Variants in BEND7 observed in about 807,000 individuals in gnomAD.
The protein encoded by BEND7 is BEN domain containing 7.
BEND7 carries 28 observed loss-of-function variants against 50.9 expected under a neutral mutation model. That is an observed-to-expected ratio of 0.55 (90% CI 0.41 to 0.75). BEND7 has a LOEUF of 0.75. BEND7 is among the 30% of genes least tolerant of loss of function. The probability of loss-of-function intolerance (pLI) is 0.00; values close to 1 mark genes in which losing one functional copy is unlikely to be tolerated. For synonymous variants in BEND7, 170 were observed against 183.9 expected (o/e 0.92, Z 0.61); for missense variants, 477 against 491.3 (o/e 0.97, Z 0.28).
At chr10:13,438,781 A>G (rs914971663), downstream of BEND7, 1 of 185,538 alleles carries the variant, frequency 5.4e-6, no homozygotes, top group African/African-American at 2.4e-5. Flanking sequence ...GATCTAAGAC[A>G]ATGGGATACA....
chr10:13,459,061 G>T (rs1172200221), intron 6 of BEND7, among the ~76,000 whole-genome samples: 1 of 152,200 alleles, frequency 6.6e-6, no homozygotes, highest in Non-Finnish European at 1.5e-5. Context: ...CCACATAAAT[G>T]ACTTACGTTT....
At chr10:13,473,278 C>T (rs927464499) in intron 6 of BEND7, among the ~76,000 whole-genome samples, 4 of 150,546 alleles carry the variant, frequency 2.7e-5, no homozygotes, top group African/African-American at 4.9e-5. Context: ...ATATCGTCAT[C>T]GCTGTGAGAC....
At chr10:13,451,925 T>G (rs191930764) in intron 7 of BEND7, among the ~76,000 whole-genome samples, 96 of 152,254 alleles carry the variant, frequency 6.3e-4, no homozygotes, top group Admixed American at 2.4e-3. Context: ...ACTAGGAAAT[T>G]GGCCCCCACT....
chr10:13,451,341 A>G (rs927753290), intron 7 of BEND7, among the ~76,000 whole-genome samples: 10 of 151,204 alleles, frequency 6.6e-5, no homozygotes, highest in Non-Finnish European at 1.5e-5. Flanking sequence ...GGTGCGTGCC[A>G]TCTTGCTTGG....
intron 8 of BEND7, chr10:13,446,215 G>A (rs1564495047): frequency 1.3e-5 from 2 of 152,214 alleles, no homozygotes; most frequent in Admixed American, 6.5e-5. Context: ...CTCAGTGGCA[G>A]AGAAAGCAAT....
rs1246154225 is a variant in BEND7, at chr10:13,507,086, C to T, written c.146-7006G>A. On this transcript the variant is annotated intron_variant, in intron 2 of 8. Transcript: ENST00000466271. ...CTGGCCCCTCTGGACTGAGTAAGCC[C>T]CTGAGGGTCATGGATAATTTAGGGG... 1.3e-5 allele frequency among the ~76,000 whole-genome samples: 2 copies of T among 152,052 alleles called. 1 individual carries two copies. The highest frequency in any genetic ancestry group is 4.8e-5 in the African/African-American group (2 of 41,390).
intron 2 of BEND7, among the ~76,000 whole-genome samples, chr10:13,514,194 T>A (rs1056826398): frequency 1.3e-5 from 2 of 152,178 alleles, no homozygotes; most frequent in Non-Finnish European, 2.9e-5. Flanking sequence ...ACCTAGTGGG[T>A]TCTACAACCT....
In BEND7 at chr10:13,447,358, G is replaced by C. The variant is rs374467946; in HGVS notation, c.1184-42C>G. Reference sequence around the variant, plus strand: ...TAAGACACAAATCTCATTAGTTCCAGGGAGCACATTCATTTTACAGAAAAT... The same window carrying C: ...TAAGACACAAATCTCATTAGTTCCACGGAGCACATTCATTTTACAGAAAAT... On this transcript the variant is annotated intron_variant, in intron 7 of 8. Transcript: ENST00000466271. The C allele has an allele frequency of 1.6e-5, 26 of 1,601,920 alleles. No individual in the cohort carries two copies. The African/African-American group carries it at 3.2e-4, about 20-fold the overall frequency.
At chr10:13,449,479 C>T (rs1837213508) in intron 7 of BEND7, among the ~76,000 whole-genome samples, 2 of 152,188 alleles carry the variant, frequency 1.3e-5, no homozygotes, top group South Asian at 4.1e-4. Context: ...CCAGGTAACA[C>T]AGCTAGTAAG....
At chr10:13,512,419 C>T (rs1357310532) in intron 2 of BEND7, among the ~76,000 whole-genome samples, 1 of 152,240 alleles carries the variant, frequency 6.6e-6, no homozygotes, top group African/African-American at 2.4e-5. Context: ...GACAATACAC[C>T]TAGGAAAAAT....
chr10:13,491,318 A>G (rs1480135938), intron 5 of BEND7, among the ~76,000 whole-genome samples: 1 of 151,802 alleles, frequency 6.6e-6, no homozygotes, highest in East Asian at 1.9e-4. Flanking sequence ...GTCTAAAAAA[A>G]AAAAAAAAAA....
chr10:13,515,644 G>A (rs2078612689), intron 2 of BEND7, among the ~76,000 whole-genome samples: 1 of 152,198 alleles, frequency 6.6e-6, no homozygotes, highest in Non-Finnish European at 1.5e-5. Flanking sequence ...AGTGGAATGT[G>A]CCCTTTGACC....
chr10:13,484,328 A>G (rs1270138467), intron 5 of BEND7, among the ~76,000 whole-genome samples: 1 of 152,278 alleles, frequency 6.6e-6, no homozygotes, highest in Admixed American at 6.5e-5. Flanking sequence ...ACATGAAGAA[A>G]AGATGACGTT....
At chr10:13,512,878 T>C (rs1032959172) in intron 2 of BEND7, among the ~76,000 whole-genome samples, 2 of 152,222 alleles carry the variant, frequency 1.3e-5, no homozygotes, top group African/African-American at 2.4e-5. Context: ...CCAAGGGACC[T>C]GGAGAATGGC....
chr10:13,526,213 G>T lies in BEND7; in HGVS notation c.70C>A (p.His24Asn), dbSNP rs1366758538. Reference protein sequence around the residue: ...SFKLVSRDYHHEVYKIPEFSN... With the variant: ...SFKLVSRDYHNEVYKIPEFSN... ...AATTCTGGGATCTTATACACCTCGT[G>T]GTGATAATCTGGCATGAGAAAACAA... Residue 24 changes from histidine to asparagine, a missense_variant, in exon 2 of 9, where the codon CAC becomes AAC. Physicochemically the swap from His to Asn is moderately conservative, Grantham distance 68 (BLOSUM62 1). Coordinates refer to ENST00000466271, the MANE Select transcript of BEND7 (RefSeq NM_001369863.1). 7.8e-7 allele frequency: 1 copy of T among 1,287,846 alleles called. No homozygotes were observed. The highest frequency in any genetic ancestry group is 2.3e-5 in the Admixed American group (1 of 43,266). 79.8% of individuals were successfully genotyped at this position (1,287,846 alleles called of 1,614,324 possible). A position where few individuals can be genotyped will look rare whatever the true frequency, so the allele number is the denominator to read the frequency against.
At chr10:13,446,590 A>T (rs1026801325) in intron 8 of BEND7, 3 of 152,404 alleles carry the variant, frequency 2.0e-5, no homozygotes, top group African/African-American at 7.2e-5. Flanking sequence ...CTCATTGATC[A>T]GACACCTGCC....
chr10:13,511,874 T>C (rs2078298136), intron 2 of BEND7, among the ~76,000 whole-genome samples: 1 of 152,170 alleles, frequency 6.6e-6, no homozygotes, highest in Admixed American at 6.5e-5. Context: ...TCTGGGTCCC[T>C]GTGCTACACT....
At chr10:13,483,543 T>A (rs139563145) in intron 5 of BEND7, among the ~76,000 whole-genome samples, 47 of 152,268 alleles carry the variant, frequency 3.1e-4, no homozygotes, top group Non-Finnish European at 5.4e-4. Flanking sequence ...TATCCCTGTA[T>A]AAAGAAAGTG....
intron 3 of BEND7, among the ~76,000 whole-genome samples, chr10:13,497,974 A>T (rs1378287717): frequency 2.0e-5 from 3 of 152,296 alleles, no homozygotes; most frequent in South Asian, 4.1e-4. Context: ...TTTACATTCA[A>T]AATTGTAGCA....
Sources: allele counts gnomAD v4.1 joint callset (sites outside exome capture counted in the v4.1 genomes callset), GRCh38; gene constraint gnomAD v4.1.1; transcripts MANE v1.5; gene names NCBI Gene and HGNC (gene_info 2026-07-23, HGNC 2026-07-21).